The following MAPKAPK5 variants were observed in gnomAD, a reference collection of about 807,000 sequenced individuals.
MAPKAPK5 encodes MAP kinase-activated protein kinase 5.
Under a neutral mutation model 65.1 loss-of-function variants are expected in MAPKAPK5, and 30 were observed. That is an observed-to-expected ratio of 0.46 (90% confidence interval 0.34 to 0.63). MAPKAPK5 has a LOEUF of 0.63. MAPKAPK5 is among the 20% of genes least tolerant of loss of function. The probability of loss-of-function intolerance (pLI) is 0.01; values close to 1 mark genes in which losing one functional copy is unlikely to be tolerated. For synonymous variants in MAPKAPK5, 179 were observed against 204.6 expected (o/e 0.87, Z 1.07); for missense variants, 433 against 581.4 (o/e 0.74, Z 2.63).
chr12:111,898,108 C>T lies in MAPKAPK5; in HGVS notation c.*5047C>T, dbSNP rs2070881371. 1 of 151,842 alleles carries T rather than the reference C, an allele frequency of 6.6e-6. No individual in the cohort carries two copies. The highest frequency in any genetic ancestry group is 2.1e-4 in the South Asian group (1 of 4,812). 9.4% of individuals were successfully genotyped at this position (151,842 alleles called of 1,614,324 possible). A position where few individuals can be genotyped will look rare whatever the true frequency, so the allele number is the denominator to read the frequency against. ...AATCTTTTAAAAGTTCTTATATAGC[C>T]CAGTTTTCTTTTCTTGATGAAATGT... is the stretch of plus-strand genomic sequence containing the variant. On this transcript the variant is annotated 3_prime_UTR_variant, in exon 14 of 14. Coordinates refer to ENST00000550735, the MANE Select transcript of MAPKAPK5 (RefSeq NM_003668.4).
At chr12:111,888,356 A>C in intron 10 of MAPKAPK5, 132 bp from the exon 11 acceptor site, 2 of 1,307,406 alleles carry the variant, frequency 1.5e-6, no homozygotes, top group Non-Finnish European at 2.1e-6. Flanking sequence ...TTATCAAAAT[A>C]TTTATATTCC....
intron 8 of MAPKAPK5, among the ~76,000 whole-genome samples, chr12:111,880,819 C>T (rs759704184): frequency 1.3e-5 from 2 of 152,130 alleles, no homozygotes; most frequent in African/African-American, 2.4e-5. Context: ...AATTAGGGAC[C>T]GTGATCATCA....
At position 111,871,097 on chromosome 12, in the gene MAPKAPK5, A is replaced by T; in HGVS notation, c.496A>T (p.Lys166Ter). Residue 166 changes from lysine to a stop codon, truncating the protein, a stop_gained, in exon 7 of 14, where the codon AAG becomes TAG. Transcript: ENST00000550735. LOFTEE classifies it high-confidence loss of function. ...TTTTTAATTTCAGGATGCCCCAGTG[A>T]AGTTGTGTGACTTTGGATTTGCCAA... ...FKDNSLDAPVKLCDFGFAKID... is the reference protein window; with the variant it reads ...FKDNSLDAPV 1 of 1,613,264 alleles carries T rather than the reference A, an allele frequency of 6.2e-7. No homozygotes were observed. Among genetic ancestry groups the T allele is most frequent in the East Asian group, 2.2e-5 (1 of 44,856 alleles).
rs765288642 is a variant in MAPKAPK5 at position 111,885,903 on chromosome 12, G to C, written c.849-13G>C. The C allele has an allele frequency of 1.9e-6, 3 of 1,613,660 alleles. No homozygotes were observed. The highest frequency in any genetic ancestry group is 2.5e-6 in the Non-Finnish European group (3 of 1,179,824). ...AACTGTGCATGGCAGCCCTGTTGGC[G>C]TTTTCTCCACAGGCTCCTGAAGGTC... On this transcript the variant is annotated splice_polypyrimidine_tract_variant and intron_variant, in intron 9 of 13. Transcript: ENST00000550735.
Position 111,888,536 on chromosome 12 carries a change from A to C in MAPKAPK5, c.1018A>C (p.Met340Leu), listed in dbSNP as rs1430116411. The C allele has an allele frequency of 4.3e-6, 7 of 1,614,020 alleles. No homozygotes were observed. Among genetic ancestry groups the C allele is most frequent in the Non-Finnish European group, 5.9e-6 (7 of 1,179,890 alleles). ...GGCTCACGCGGAACAGTTGGCCAAC[A>C]TGAGAATCCAGGATCTGAAAGTCAG... ...QQAHAEQLAN[M>L]RIQDLKVSLK... The change falls in exon 11 of 14, where the codon ATG becomes CTG. Residue 340 changes from methionine to leucine, a missense_variant. Met to Leu is a conservative substitution (Grantham distance 15). Coordinates refer to ENST00000550735, the MANE Select transcript of MAPKAPK5 (RefSeq NM_003668.4).
intron 2 of MAPKAPK5, among the ~76,000 whole-genome samples, chr12:111,865,928 C>A (rs1229307845): frequency 6.6e-6 from 1 of 151,214 alleles, no homozygotes; most frequent in Non-Finnish European, 1.5e-5. Context: ...TTTTCATTGA[C>A]CCACAGCCCC....
At chr12:111,872,776 G>A (rs6489818) in intron 7 of MAPKAPK5, among the ~76,000 whole-genome samples, 53,939 of 151,960 alleles carry the variant, frequency 0.35, 14,012 homozygotes, top group East Asian at 0.85. Flanking sequence ...CTTCCAATGA[G>A]TGTCTCTCTC....
Position 111,893,194 on chromosome 12 carries a change from A to G in MAPKAPK5, c.*133A>G, listed in dbSNP as rs1284056551. On this transcript the variant is annotated 3_prime_UTR_variant, in exon 14 of 14. Transcript: ENST00000550735. ...AAGCTGCTGTATAGATTTAGGGTGC[A>G]GGACTTAATAATAGTATAGTTATTG... 6.8e-6 allele frequency: 4 copies of G among 585,208 alleles called. No individual in the cohort carries two copies. In the African/African-American group the frequency reaches 7.5e-5, roughly 11 times the overall value. The allele number at this position is 585,208 out of a possible 1,614,324, so 36.3% of individuals were successfully genotyped here.
chr12:111,874,744 T>G (rs1374262175), intron 7 of MAPKAPK5, among the ~76,000 whole-genome samples: 11 of 149,474 alleles, frequency 7.4e-5, no homozygotes, highest in African/African-American at 2.7e-4. Context: ...ATTACAGGTG[T>G]GAGCCACTGC....
At chr12:111,866,135 A>AT (rs749717017) in intron 2 of MAPKAPK5, 21 bp from the exon 3 acceptor site, 109 of 1,559,612 alleles carry the variant, frequency 7.0e-5, no homozygotes, top group African/African-American at 2.7e-4. Context: ...TCTCTGATTG[A>AT]TTTTTTTTCT....
At position 111,896,533 on chromosome 12, in the gene MAPKAPK5, C is replaced by T. The variant is rs2070823277; in HGVS notation, c.*3472C>T. ...TTTAACATAACTGTCAGGTTTGCTA[C>T]TCGAAATTTGCACATAACTGGAAGT... On this transcript the variant is annotated 3_prime_UTR_variant, in exon 14 of 14. Transcript: ENST00000550735. 1 of 152,208 alleles carries T rather than the reference C, an allele frequency of 6.6e-6. No individual in the cohort carries two copies. Among genetic ancestry groups the T allele is most frequent in the Admixed American group, 6.5e-5 (1 of 15,280 alleles). 9.4% of individuals were successfully genotyped at this position (152,208 alleles called of 1,614,324 possible). A position where few individuals can be genotyped will look rare whatever the true frequency, so the allele number is the denominator to read the frequency against.
In MAPKAPK5 at chr12:111,868,735, T is replaced by A; in HGVS notation, c.285-18T>A. 6.9e-5 allele frequency: 96 copies of A among 1,399,810 alleles called. No homozygotes were observed. The highest frequency in any genetic ancestry group is 8.8e-5 in the Non-Finnish European group (90 of 1,023,060). The allele number at this position is 1,399,810 out of a possible 1,614,324, so 86.7% of individuals were successfully genotyped here. A position where few individuals can be genotyped will look rare whatever the true frequency, so the allele number is the denominator to read the frequency against. ...TTTTTTTTTTTTTAACTTAACAAAA[T>A]CAAATGCTTTCAAACAGGGCCCGAC... On this transcript the variant is annotated intron_variant, in intron 4 of 13. Transcript: ENST00000550735.
rs1459459721 is a variant in MAPKAPK5 at position 111,894,545 on chromosome 12, G to GT, written c.*1484_*1485insT. On this transcript the variant is annotated 3_prime_UTR_variant, in exon 14 of 14. Coordinates refer to ENST00000550735, the MANE Select transcript of MAPKAPK5 (RefSeq NM_003668.4). ...TTATCATGTAAGATGATCCAGTTTT[G>GT]GTTTTTTTTTTTATAAGGCTGCCCT... The GT allele has an allele frequency of 2.0e-5, 3 of 151,190 alleles. No homozygotes were observed. Among genetic ancestry groups the GT allele is most frequent in the African/African-American group, 7.3e-5 (3 of 40,994 alleles). 9.4% of individuals were successfully genotyped at this position (151,190 alleles called of 1,614,324 possible). A position where few individuals can be genotyped will look rare whatever the true frequency, so the allele number is the denominator to read the frequency against.
At chr12:111,886,669 A>G (rs1231989254) in intron 10 of MAPKAPK5, among the ~76,000 whole-genome samples, 2 of 152,270 alleles carry the variant, frequency 1.3e-5, no homozygotes, top group African/African-American at 2.4e-5. Flanking sequence ...ATTTGGCCTC[A>G]CTAATGGGAA....
intron 7 of MAPKAPK5, among the ~76,000 whole-genome samples, chr12:111,877,241 A>T (rs1485266728): frequency 9.1e-6 from 1 of 110,168 alleles, no homozygotes; most frequent in African/African-American, 3.8e-5. Context: ...TTGGTCTTGA[A>T]CTCCTAACCT....
chr12:111,859,181 T>A (rs1224104980), intron 1 of MAPKAPK5, among the ~76,000 whole-genome samples: 3 of 148,282 alleles, frequency 2.0e-5, no homozygotes, highest in South Asian at 4.4e-4. Context: ...GGATTCTGAG[T>A]TTTCCCCCCT....
intron 12 of MAPKAPK5, chr12:111,889,782 G>T: frequency 2.6e-6 from 1 of 382,400 alleles, no homozygotes; most frequent in Non-Finnish European, 4.9e-6. Context: ...GTCTGCCACA[G>T]CCTATTTCCC....
intron 7 of MAPKAPK5, among the ~76,000 whole-genome samples, chr12:111,877,705 G>T (rs1414940509): frequency 6.6e-6 from 1 of 152,110 alleles, no homozygotes; most frequent in Non-Finnish European, 1.5e-5. Flanking sequence ...GTTGGAGACA[G>T]GGTCTTGCTC....
chr12:111,892,074 T>C (rs2070634955), intron 13 of MAPKAPK5, among the ~76,000 whole-genome samples: 2 of 152,246 alleles, frequency 1.3e-5, no homozygotes, highest in Non-Finnish European at 2.9e-5. Context: ...TGTTCTTTTA[T>C]GTCTGGCTTC....
Sources: allele counts gnomAD v4.1 joint callset (sites outside exome capture counted in the v4.1 genomes callset), GRCh38; gene constraint gnomAD v4.1.1; transcripts MANE v1.5; gene names NCBI Gene and HGNC (gene_info 2026-07-23, HGNC 2026-07-21).